Variants in PSAT1 observed in about 807,000 individuals in gnomAD.
The protein encoded by PSAT1 is phosphoserine aminotransferase 1.
A neutral mutation model predicts 40.3 loss-of-function variants in PSAT1; 41 were observed. The observed-to-expected ratio is 1.02, with a 90% CI of 0.79 to 1.32. The LOEUF (loss-of-function observed/expected upper bound fraction) is 1.32. Among genes scored for constraint, PSAT1 ranks in the 40% most tolerant of loss-of-function variants. The pLI, the probability that PSAT1 is intolerant of heterozygous loss-of-function variation, is 0.00. For missense variants in PSAT1, 406 were observed against 455.8 expected (o/e 0.89, Z 0.99); for synonymous variants, 147 against 170.5 (o/e 0.86, Z 1.07).
intron 6 of PSAT1, among the ~76,000 whole-genome samples, chr9:78,317,342 C>A (rs1828360393): frequency 6.6e-6 from 1 of 152,060 alleles, no homozygotes; most frequent in African/African-American, 2.4e-5. Context: ...AGCCTCGAAC[C>A]CCTGGGCTCA....
chr9:78,317,583 T>C (rs1828365638), intron 6 of PSAT1, 93 bp from the exon 7 acceptor site: 17 of 1,383,640 alleles, frequency 1.2e-5, no homozygotes, highest in Non-Finnish European at 1.7e-5. Context: ...TGTTTAAGTC[T>C]GTTTTAATGC....
chr9:78,303,838 T>C (rs556030947), intron 3 of PSAT1, among the ~76,000 whole-genome samples: 44 of 152,192 alleles, frequency 2.9e-4, no homozygotes, highest in Non-Finnish European at 5.0e-4. Context: ...CTGGCTTCCG[T>C]ACACCTATTC....
chr9:78,311,599 C>T (rs981287825), intron 6 of PSAT1, among the ~76,000 whole-genome samples: 5 of 151,880 alleles, frequency 3.3e-5, no homozygotes, highest in East Asian at 1.9e-4. Flanking sequence ...TTTGGGAGGC[C>T]GAGGCGAGTG....
Position 78,317,490 on chromosome 9 carries a change from A to G in PSAT1, c.741-186A>G, listed in dbSNP as rs927985801. 5.3e-5 allele frequency among the ~76,000 whole-genome samples: 8 copies of G among 152,160 alleles called. No individual in the cohort carries two copies. The South Asian group carries it at 1.7e-3, about 32-fold the overall frequency. ...GCTTTCCAACTCCTGGCTTCAAGCG[A>G]TCCTTCGGCCTCGGCCTTCCAAAGT... On this transcript the variant is annotated intron_variant, in intron 6 of 8. Coordinates refer to ENST00000376588, the MANE Select transcript of PSAT1 (RefSeq NM_058179.4).
In PSAT1 at chr9:78,300,580, A is replaced by G. The variant is rs562506784; in HGVS notation, c.61-22A>G. The G allele has an allele frequency of 4.9e-5, 79 of 1,604,378 alleles. 1 individual carries two copies. The South Asian group carries it at 8.2e-4, about 17-fold the overall frequency. ...GTGCAGAACATATTTAAATAACCCT[A>G]TTTTCCTTTATTTTTTTCTAGGTGT... On this transcript the variant is annotated intron_variant, in intron 1 of 8. Coordinates refer to ENST00000376588, the MANE Select transcript of PSAT1 (RefSeq NM_058179.4).
At chr9:78,299,514 CTTTTTTTTT>C (rs57722137) in intron 1 of PSAT1, among the ~76,000 whole-genome samples, 1 of 118,524 alleles carries the variant, frequency 8.4e-6, no homozygotes, top group Non-Finnish European at 1.6e-5. Flanking sequence ...TAATCTAATT[CTTTTTTTTT>C]TTTTTTTTTG....
chr9:78,307,178 C>T (rs1284828274), intron 5 of PSAT1, among the ~76,000 whole-genome samples: 1 of 152,212 alleles, frequency 6.6e-6, no homozygotes, highest in Admixed American at 6.5e-5. Flanking sequence ...GAAATCTGTA[C>T]ATTAAACACT....
Position 78,327,319 on chromosome 9 carries a change from G to T in PSAT1, c.870-732G>T, listed in dbSNP as rs543141537. Among the ~76,000 whole-genome samples, 10 of 152,148 alleles carry T rather than the reference G, an allele frequency of 6.6e-5. No homozygotes were observed. In the South Asian group the frequency reaches 2.1e-3, roughly 32 times the overall value. ...GGCTGTAAGGTCTTTTGAGACCTAGGCTTGGAAGGTGCAAAGAGTCTGTTG... is the reference window on the plus strand; with the variant it reads ...GGCTGTAAGGTCTTTTGAGACCTAGTCTTGGAAGGTGCAAAGAGTCTGTTG... On this transcript the variant is annotated intron_variant, in intron 7 of 8. Coordinates refer to ENST00000376588, the MANE Select transcript of PSAT1 (RefSeq NM_058179.4).
chr9:78,309,201 C>T (rs1160916893), intron 6 of PSAT1, among the ~76,000 whole-genome samples: 1 of 152,182 alleles, frequency 6.6e-6, no homozygotes, highest in Non-Finnish European at 1.5e-5. Context: ...CCCAAAAGCT[C>T]TCTATACATG....
chr9:78,328,233 GT>G, intron 8 of PSAT1, 45 bp downstream of exon 8: 2 of 1,612,934 alleles, frequency 1.2e-6, no homozygotes, highest in Non-Finnish European at 1.7e-6. Context: ...AATTAGCTTA[GT>G]TTTTCAAATG....
chr9:78,308,343 T>A, intron 5 of PSAT1, 71 bp from the exon 6 acceptor site: 8 of 1,539,120 alleles, frequency 5.2e-6, no homozygotes, highest in Non-Finnish European at 7.2e-6. Flanking sequence ...TCGGGAAGAG[T>A]TGGGAAGTTT....
intron 7 of PSAT1, among the ~76,000 whole-genome samples, chr9:78,326,955 A>ATATATTTTTTTTTT: frequency 5.3e-4 from 40 of 75,928 alleles, no homozygotes; most frequent in African/African-American, 1.9e-3. Flanking sequence ...ATATATATAT[A>ATATATTTTTTTTTT]TTTTTTTTTT....
rs1470962014 is a variant in PSAT1 at position 78,311,845 on chromosome 9, A to ACAAAAG, written c.740+3267_740+3268insGCAAAA. 5.3e-5 allele frequency among the ~76,000 whole-genome samples: 8 copies of ACAAAAG among 151,926 alleles called. No homozygotes were observed. The South Asian group carries it at 1.7e-3, about 32-fold the overall frequency. On this transcript the variant is annotated intron_variant, in intron 6 of 8. Coordinates refer to ENST00000376588, the MANE Select transcript of PSAT1 (RefSeq NM_058179.4). ...AGACTGTCTGAAAACAAAAACAAAA[A>ACAAAAG]CAAAAACAAAAACAAAACAAAAACC...
intron 1 of PSAT1, among the ~76,000 whole-genome samples, chr9:78,299,425 A>G (rs1299145316): frequency 6.6e-6 from 1 of 151,924 alleles, no homozygotes; most frequent in African/African-American, 2.4e-5. Context: ...TTATTTGATC[A>G]GCTGGTGCTA....
intron 6 of PSAT1, among the ~76,000 whole-genome samples, chr9:78,314,052 G>T (rs1337218684): frequency 6.6e-6 from 1 of 152,210 alleles, no homozygotes. Flanking sequence ...GTGTTTGCAG[G>T]TGGCATTTTA....
intron 6 of PSAT1, among the ~76,000 whole-genome samples, chr9:78,316,434 A>G (rs1050804625): frequency 4.6e-5 from 7 of 152,164 alleles, no homozygotes; most frequent in Non-Finnish European, 1.0e-4. Context: ...TCCTAGAAAC[A>G]TGATCCCCTA....
intron 3 of PSAT1, among the ~76,000 whole-genome samples, chr9:78,303,415 T>A (rs2118632987): frequency 6.6e-6 from 1 of 152,288 alleles, no homozygotes; most frequent in South Asian, 2.1e-4. Flanking sequence ...CTGGGAGAGA[T>A]GACATTTGAC....
chr9:78,321,236 C>A (rs1023393495), intron 7 of PSAT1, among the ~76,000 whole-genome samples: 1 of 152,134 alleles, frequency 6.6e-6, no homozygotes, highest in Non-Finnish European at 1.5e-5. Context: ...GAACTCCCAC[C>A]ACCCCCTCAG....
chr9:78,321,707 C>A (rs1252374206), intron 7 of PSAT1, among the ~76,000 whole-genome samples: 1 of 152,192 alleles, frequency 6.6e-6, no homozygotes, highest in Non-Finnish European at 1.5e-5. Flanking sequence ...GTCACCCACA[C>A]TGTGCTGACT....
Sources: allele counts gnomAD v4.1 joint callset (sites outside exome capture counted in the v4.1 genomes callset), GRCh38; gene constraint gnomAD v4.1.1; transcripts MANE v1.5; gene names NCBI Gene and HGNC (gene_info 2026-07-23, HGNC 2026-07-21).